The following GTF3C2 variants were observed in gnomAD, a reference collection of about 807,000 sequenced individuals.
The protein encoded by GTF3C2 is general transcription factor IIIC subunit 2, also known as general transcription factor 3C polypeptide 2.
A neutral mutation model predicts 117.4 loss-of-function variants in GTF3C2; 17 were observed. The ratio of observed to expected loss-of-function variants is 0.14; its 90% CI spans 0.10 to 0.22. The LOEUF (loss-of-function observed/expected upper bound fraction) is 0.22. Ranked by LOEUF, GTF3C2 falls within the 10% of genes least tolerant of loss-of-function variation. The probability of loss-of-function intolerance (pLI) is 1.00; values close to 1 mark genes in which losing one functional copy is unlikely to be tolerated. For synonymous variants in GTF3C2, 437 were observed against 427.0 expected (o/e 1.02, Z -0.29); for missense variants, 888 against 1,143.6 (o/e 0.78, Z 3.22).
intron 1 of GTF3C2, among the ~76,000 whole-genome samples, chr2:27,348,535 G>C (rs1005109802): frequency 1.3e-5 from 2 of 152,164 alleles, no homozygotes; most frequent in Non-Finnish European, 2.9e-5. Flanking sequence ...ACCAGGTACA[G>C]GCTCATGCCT....
At chr2:27,345,156 T>A (rs1680872803) in intron 1 of GTF3C2, among the ~76,000 whole-genome samples, 2 of 151,902 alleles carry the variant, frequency 1.3e-5, no homozygotes, top group Admixed American at 1.3e-4. Context: ...TAGTCTCAGC[T>A]ACTTGGGAGG....
At chr2:27,326,501 G>T in exon 19 of GTF3C2, 1 of 616,152 alleles carries the variant, frequency 1.6e-6, no homozygotes, top group Non-Finnish European at 2.9e-6. Flanking sequence ...AGGGGGCTGT[G>T]ATCACAGAAG....
intron 10 of GTF3C2, among the ~76,000 whole-genome samples, chr2:27,334,786 G>A (rs1002569030): frequency 1.3e-5 from 2 of 151,946 alleles, no homozygotes; most frequent in African/African-American, 4.8e-5. Context: ...GGGATTACAG[G>A]CATGCACCAC....
chr2:27,335,815 C>T, intron 9 of GTF3C2, 102 bp downstream of exon 9: 2 of 1,048,228 alleles, frequency 1.9e-6, no homozygotes, highest in East Asian at 5.2e-5. Context: ...AAAACTCCAT[C>T]CACTACACTC....
At position 27,333,972 on chromosome 2, in the gene GTF3C2, AC is replaced by A; in HGVS notation, c.1602+1del. 6.2e-7 allele frequency: 1 copy of A among 1,607,706 alleles called. No homozygotes were observed. The highest frequency in any genetic ancestry group is 8.5e-7 in the Non-Finnish European group (1 of 1,174,342). ...AGCTAAGGTAGCAGGTTCCTCACTCACCTTATATATGGCAGGCTTCACTGCA... is the reference window on the plus strand; with the variant it reads ...AGCTAAGGTAGCAGGTTCCTCACTCACTTATATATGGCAGGCTTCACTGCA... On this transcript the variant is annotated splice_donor_variant, in intron 11 of 18. Coordinates refer to ENST00000264720, the Ensembl canonical transcript of GTF3C2. LOFTEE classifies it high-confidence loss of function.
At chr2:27,353,054 T>C (rs1042881616) in intron 1 of GTF3C2, among the ~76,000 whole-genome samples, 1 of 152,126 alleles carries the variant, frequency 6.6e-6, no homozygotes, top group Non-Finnish European at 1.5e-5. Flanking sequence ...TTTACTTTTT[T>C]AGAATTGTTT....
chr2:27,328,654 T>A, intron 15 of GTF3C2, 58 bp from the exon 16 acceptor site: 1 of 1,418,700 alleles, frequency 7.0e-7, no homozygotes, highest in Non-Finnish European at 9.9e-7. Flanking sequence ...TATGAACTGG[T>A]AACAGCTGCA....
At chr2:27,335,565 C>T (rs1572569129) in intron 10 of GTF3C2, 33 bp downstream of exon 10, 16 of 1,224,544 alleles carry the variant, frequency 1.3e-5, no homozygotes, top group Non-Finnish European at 1.8e-5. Context: ...ACCACCACTA[C>T]AGCAGCCCCA....
intron 12 of GTF3C2, among the ~76,000 whole-genome samples, chr2:27,330,761 G>T (rs1223696015): frequency 3.9e-5 from 6 of 152,198 alleles, no homozygotes; most frequent in African/African-American, 1.4e-4. Flanking sequence ...CAGAGTTTGA[G>T]ACCAGCCTGA....
chr2:27,345,232 TGCACTCCA>T (rs1373200908), intron 1 of GTF3C2, among the ~76,000 whole-genome samples: 1 of 151,878 alleles, frequency 6.6e-6, no homozygotes, highest in Non-Finnish European at 1.5e-5. Flanking sequence ...ATCACACCAC[TGCACTCCA>T]GCCTGGGCAA....
In GTF3C2 at chr2:27,327,543, T is replaced by G. The variant is rs1000812831; in HGVS notation, c.2410-259A>C. ...TTCACCATGTTGGTCAGGCTGGTCTTGAACTCCTGACCTCAGGTGATCCGC... is the reference window on the plus strand; with the variant it reads ...TTCACCATGTTGGTCAGGCTGGTCTGGAACTCCTGACCTCAGGTGATCCGC... On this transcript the variant is annotated intron_variant, in intron 17 of 18. Transcript: ENST00000264720. Among the ~76,000 whole-genome samples, 4 of 151,784 alleles carry G rather than the reference T, an allele frequency of 2.6e-5. No homozygotes were observed. The South Asian group carries it at 8.3e-4, about 31-fold the overall frequency.
At chr2:27,335,622 C>G in exon 10 of GTF3C2, 1 of 1,553,184 alleles carries the variant, frequency 6.4e-7, no homozygotes, top group Non-Finnish European at 8.7e-7. Context: ...GCCAGCAGGG[C>G]CTCCGGATGG....
At chr2:27,326,391 T>G (rs1285322853) in exon 19 of GTF3C2, 1 of 540,364 alleles carries the variant, frequency 1.9e-6, no homozygotes, top group East Asian at 3.4e-5. Context: ...TATGAGCAGT[T>G]TGACTCCCAA....
chr2:27,335,700 G>C, exon 10 of GTF3C2: 1 of 1,556,670 alleles, frequency 6.4e-7, no homozygotes, highest in Non-Finnish European at 8.7e-7. Context: ...CGGGGCAGGA[G>C]AGGAGCCTAA....
chr2:27,349,793 C>CTTTTGT (rs1681060539), intron 1 of GTF3C2, among the ~76,000 whole-genome samples: 1 of 151,974 alleles, frequency 6.6e-6, no homozygotes, highest in Non-Finnish European at 1.5e-5. Context: ...CATGTGCCAC[C>CTTTTGT]ATGCCTGGCT....
At chr2:27,332,818 C>T (rs751647780) in intron 12 of GTF3C2, among the ~76,000 whole-genome samples, 3 of 151,804 alleles carry the variant, frequency 2.0e-5, no homozygotes, top group Non-Finnish European at 4.4e-5. Context: ...CAGCTTCAAG[C>T]GATTCTCCTG....
chr2:27,339,333 G>A (rs1027441621), intron 4 of GTF3C2, among the ~76,000 whole-genome samples: 1 of 151,172 alleles, frequency 6.6e-6, no homozygotes, highest in Non-Finnish European at 1.5e-5. Flanking sequence ...CTTGAACCCG[G>A]GAGGGGTGGA....
Position 27,337,436 on chromosome 2 carries a change from G to T in GTF3C2, c.1028+45C>A, listed in dbSNP as rs771070358. The T allele has an allele frequency of 1.4e-5, 21 of 1,477,772 alleles. No homozygotes were observed. In the Middle Eastern group the frequency reaches 1.7e-3, roughly 121 times the overall value. 91.5% of individuals were successfully genotyped at this position (1,477,772 alleles called of 1,614,324 possible). The stretch of plus-strand genomic sequence containing the variant: ...AGCCTCTGTCACCCTTTCGTCTCCA[G>T]TGGTGTCACCCTTCCTAAGCTACAG... On this transcript the variant is annotated intron_variant, in intron 6 of 18. Coordinates refer to ENST00000264720, the Ensembl canonical transcript of GTF3C2.
intron 1 of GTF3C2, among the ~76,000 whole-genome samples, chr2:27,351,203 G>A (rs1022415594): frequency 2.6e-5 from 4 of 152,118 alleles, no homozygotes; most frequent in Admixed American, 6.6e-5. Context: ...CCTAAGGTCA[G>A]GAGTTTGAGA....
Sources: allele counts gnomAD v4.1 joint callset (sites outside exome capture counted in the v4.1 genomes callset), GRCh38; gene constraint gnomAD v4.1.1; transcripts MANE v1.5; gene names NCBI Gene and HGNC (gene_info 2026-07-23, HGNC 2026-07-21).